Variants in OPN5 observed in about 807,000 individuals in gnomAD.
OPN5 encodes the protein opsin 5, also known as opsin-5.
In OPN5, 18 loss-of-function variants were observed where a neutral mutation model predicts 41.7. The observed-to-expected ratio is 0.43, with a 90% CI of 0.30 to 0.64. The LOEUF is 0.64. OPN5 is among the 30% of genes least tolerant of loss of function. The pLI, the probability that OPN5 is intolerant of heterozygous loss-of-function variation, is 0.13. For synonymous variants in OPN5, 178 were observed against 164.3 expected, an observed-to-expected ratio of 1.08 and a Z score of -0.64; for missense variants, 318 against 434.5, an observed-to-expected ratio of 0.73 and a Z score of 2.38.
chr6:47,819,945 C>T (rs1762550907), intron 6 of OPN5, among the ~76,000 whole-genome samples: 2 of 152,190 alleles, frequency 1.3e-5, no homozygotes, highest in South Asian at 4.1e-4. Context: ...TTAAGTTTAA[C>T]ATATGCCAAG....
At chr6:47,813,823 G>A (rs1007912244) in intron 6 of OPN5, among the ~76,000 whole-genome samples, 1 of 152,116 alleles carries the variant, frequency 6.6e-6, no homozygotes, top group Non-Finnish European at 1.5e-5. Flanking sequence ...CATGGATGAA[G>A]AAGAGTTGAG....
intron 6 of OPN5, among the ~76,000 whole-genome samples, chr6:47,815,267 G>A (rs1019930183): frequency 6.6e-6 from 1 of 152,084 alleles, no homozygotes; most frequent in Non-Finnish European, 1.5e-5. Flanking sequence ...AACTGAAATG[G>A]TAACTACAAA....
At chr6:47,803,693 C>G (rs1773859967) in intron 4 of OPN5, among the ~76,000 whole-genome samples, 1 of 152,106 alleles carries the variant, frequency 6.6e-6, no homozygotes, top group Non-Finnish European at 1.5e-5. Flanking sequence ...TTTTATTATT[C>G]AAGGTAGCAT....
At chr6:47,816,916 A>G (rs1051997539) in intron 6 of OPN5, among the ~76,000 whole-genome samples, 1 of 152,152 alleles carries the variant, frequency 6.6e-6, no homozygotes, top group Non-Finnish European at 1.5e-5. Flanking sequence ...TTGTAGTGAT[A>G]GGTGTGAATC....
chr6:47,783,802 T>C (rs1218809264), intron 1 of OPN5, among the ~76,000 whole-genome samples: 1 of 152,218 alleles, frequency 6.6e-6, no homozygotes, highest in Non-Finnish European at 1.5e-5. Flanking sequence ...GTACTTTCAA[T>C]TAACAGAAAA....
At chr6:47,792,989 T>G (rs1193648125) in intron 3 of OPN5, among the ~76,000 whole-genome samples, 2 of 151,398 alleles carry the variant, frequency 1.3e-5, no homozygotes, top group Non-Finnish European at 2.9e-5. Context: ...TACGTTTTTT[T>G]TTTTTTTTTT....
At chr6:47,819,354 A>ATATATATATATATATATATATATAAAT (rs1389298718) in intron 6 of OPN5, among the ~76,000 whole-genome samples, 5 of 59,042 alleles carry the variant, frequency 8.5e-5, no homozygotes, top group African/African-American at 1.5e-4. Flanking sequence ...TATATATATA[A>ATATATATATATATATATATATATAAAT]AAAATATATT....
intron 4 of OPN5, among the ~76,000 whole-genome samples, chr6:47,800,730 C>A (rs1046557151): frequency 1.3e-5 from 2 of 152,072 alleles, no homozygotes; most frequent in Middle Eastern, 3.2e-3. Flanking sequence ...AGCCTGGCAC[C>A]CAATCCCAGG....
exon 5 of OPN5, chr6:47,808,294 G>A (rs200073746): frequency 1.4e-5 from 22 of 1,613,946 alleles, no homozygotes; most frequent in East Asian, 4.5e-5. Flanking sequence ...AATCTGCAGC[G>A]ATGTACAATC....
intron 4 of OPN5, among the ~76,000 whole-genome samples, chr6:47,807,114 G>A (rs755398616): frequency 2.6e-5 from 4 of 152,146 alleles, no homozygotes; most frequent in Non-Finnish European, 4.4e-5. Context: ...CCAAGATTGC[G>A]CCACTGCATT....
chr6:47,783,679 C>T (rs1347080888), intron 1 of OPN5, among the ~76,000 whole-genome samples: 1 of 152,136 alleles, frequency 6.6e-6, no homozygotes. Flanking sequence ...CCACTCTTTG[C>T]CACTGTTTTA....
chr6:47,789,337 A>G (rs1232522957), intron 2 of OPN5, among the ~76,000 whole-genome samples: 1 of 151,234 alleles, frequency 6.6e-6, no homozygotes, highest in Non-Finnish European at 1.5e-5. Flanking sequence ...TCTCTGCTTT[A>G]TTTTCCTTCA....
intron 4 of OPN5, among the ~76,000 whole-genome samples, chr6:47,804,575 T>C (rs915660995): frequency 1.3e-5 from 2 of 152,204 alleles, no homozygotes; most frequent in African/African-American, 4.8e-5. Context: ...AAATGTTTAA[T>C]ATTTTGTGGA....
chr6:47,810,876 C>A (rs73471978), intron 5 of OPN5, among the ~76,000 whole-genome samples: 10,006 of 152,218 alleles, frequency 0.066, 477 homozygotes, highest in African/African-American at 0.13. Flanking sequence ...GTAATGGAGA[C>A]ACCTGGGGAA....
chr6:47,789,982 C>T (rs867217293), intron 2 of OPN5, among the ~76,000 whole-genome samples: 1 of 148,662 alleles, frequency 6.7e-6, no homozygotes. Flanking sequence ...AGAATGCTTT[C>T]TAGAAAGTGA....
intron 3 of OPN5, among the ~76,000 whole-genome samples, chr6:47,794,490 CT>C (rs1451849250): frequency 1.3e-5 from 2 of 152,194 alleles, no homozygotes; most frequent in African/African-American, 2.4e-5. Context: ...GATGACTGCA[CT>C]ATTTCCTCCG....
At chr6:47,818,941 T>A (rs1260197018) in intron 6 of OPN5, among the ~76,000 whole-genome samples, 1 of 152,006 alleles carries the variant, frequency 6.6e-6, no homozygotes, top group East Asian at 1.9e-4. Context: ...CAAGAGAATT[T>A]CCTGTCTCAT....
At chr6:47,819,379 AATAT>A (rs544310153) in intron 6 of OPN5, among the ~76,000 whole-genome samples, 5 of 97,434 alleles carry the variant, frequency 5.1e-5, no homozygotes, top group Admixed American at 1.1e-4. Flanking sequence ...TATAAGTAGA[AATAT>A]ATATATATAT....
At chr6:47,808,842 T>C (rs1156250670) in intron 5 of OPN5, among the ~76,000 whole-genome samples, 5 of 152,204 alleles carry the variant, frequency 3.3e-5, no homozygotes, top group African/African-American at 1.2e-4. Context: ...AGAAGGGAGA[T>C]GACATTTCTG....
Sources: gnomAD v4.1 joint callset for allele counts (sites outside exome capture counted in the v4.1 genomes callset) on GRCh38, gnomAD v4.1.1 for gene constraint, MANE v1.5 for transcripts, NCBI Gene and HGNC (gene_info 2026-07-23, HGNC 2026-07-21) for gene names.